The following HSF1 variants were observed in gnomAD, a reference collection of about 807,000 sequenced individuals.
The protein encoded by HSF1 is heat shock transcription factor 1.
HSF1 carries 32 observed loss-of-function variants against 51.7 expected under a neutral mutation model. The ratio of observed to expected loss-of-function variants is 0.62; its 90% CI spans 0.47 to 0.83. HSF1 has a LOEUF of 0.83. Ranked by LOEUF, HSF1 falls within the 40% of genes least tolerant of loss-of-function variation. The probability of loss-of-function intolerance (pLI) is 0.00; values close to 1 mark genes in which losing one functional copy is unlikely to be tolerated. For missense variants in HSF1, 727 were observed against 717.0 expected (o/e 1.01, Z -0.16); for synonymous variants, 396 against 309.7 (o/e 1.28, Z -2.92).
At chr8:144,301,589 G>A (rs565183811) in intron 1 of HSF1, among the ~76,000 whole-genome samples, 55 of 152,286 alleles carry the variant, frequency 3.6e-4, no homozygotes, top group African/African-American at 7.9e-4. Flanking sequence ...AGAAGAGGCC[G>A]GGCGCGGTGG....
At chr8:144,301,764 C>G (rs1423652913) in intron 1 of HSF1, among the ~76,000 whole-genome samples, 1 of 151,780 alleles carries the variant, frequency 6.6e-6, no homozygotes, top group Non-Finnish European at 1.5e-5. Context: ...ACTCGGGAGG[C>G]TGAGGCAGGA....
At chr8:144,299,832 C>G (rs992048485) in intron 1 of HSF1, among the ~76,000 whole-genome samples, 9 of 152,098 alleles carry the variant, frequency 5.9e-5, no homozygotes, top group Non-Finnish European at 1.2e-4. Flanking sequence ...TTGCTTGGAC[C>G]CGGGAGGTGG....
chr8:144,292,803 A>G (rs1167606540), intron 1 of HSF1, among the ~76,000 whole-genome samples: 2 of 152,192 alleles, frequency 1.3e-5, no homozygotes, highest in African/African-American at 4.8e-5. Flanking sequence ...TCTACTAAAA[A>G]TACAAAAAAT....
intron 1 of HSF1, among the ~76,000 whole-genome samples, chr8:144,293,077 C>T (rs1464789294): frequency 6.6e-6 from 1 of 152,242 alleles, no homozygotes; most frequent in East Asian, 1.9e-4. Flanking sequence ...GTTCTTCAGG[C>T]TCTGCTGAGT....
chr8:144,307,248 G>T (rs916772728), intron 1 of HSF1, among the ~76,000 whole-genome samples: 6 of 152,192 alleles, frequency 3.9e-5, no homozygotes, highest in Non-Finnish European at 5.9e-5. Flanking sequence ...TTTTTATTCA[G>T]GAGAGCTTCA....
chr8:144,313,468 G>A lies in HSF1; in HGVS notation c.1143-43G>A, dbSNP rs1554845456. 4 of 1,315,084 alleles carry A rather than the reference G, an allele frequency of 3.0e-6. No individual in the cohort carries two copies. The South Asian group carries it at 3.6e-5, about 12-fold the overall frequency. 81.5% of individuals were successfully genotyped at this position (1,315,084 alleles called of 1,614,324 possible). A position where few individuals can be genotyped will look rare whatever the true frequency, so the allele number is the denominator to read the frequency against. On this transcript the variant is annotated intron_variant, in intron 9 of 12. Transcript: ENST00000528838. ...TCCCACAGGAGGGCATTGGGGTGTG[G>A]GGCCTGGGGCACTGGTTCAGGTACC...
chr8:144,310,986 G>A, intron 4 of HSF1, 188 bp from the exon 5 acceptor site: 1 of 612,486 alleles, frequency 1.6e-6, no homozygotes, highest in South Asian at 2.0e-5. Context: ...GAGGGGCAGT[G>A]GGACCAGCAA....
At position 144,313,532 on chromosome 8, in the gene HSF1, G is replaced by C. The variant is rs1400264341; in HGVS notation, c.1164G>C (p.Leu388Phe). 3.1e-6 allele frequency: 5 copies of C among 1,611,574 alleles called. No individual in the cohort carries two copies. The highest frequency in any genetic ancestry group is 3.3e-5 in the Admixed American group (2 of 59,972). ...CCAGGAATGAGCTCAGTGACCACTT[G>C]GATGCTATGGACTCCAACCTGGATA... ...CLDKNELSDH[L>F]DAMDSNLDNL... The change falls in exon 10 of 13, where the codon TTG becomes TTC. Residue 388 changes from leucine (L) to phenylalanine (F), a missense_variant. By Grantham distance (22) the Leu-to-Phe change is conservative. Coordinates refer to ENST00000528838, the MANE Select transcript of HSF1 (RefSeq NM_005526.4).
At chr8:144,313,345 A>G in intron 9 of HSF1, 166 bp from the exon 10 acceptor site, 2 of 584,390 alleles carry the variant, frequency 3.4e-6, no homozygotes, top group South Asian at 4.0e-5. Flanking sequence ...CAGAGCCTCC[A>G]CTGCCTTCCA....
rs1816678619 is a variant in HSF1 at position 144,311,739 on chromosome 8, C to G, written c.763C>G (p.Pro255Ala). 1 of 1,612,956 alleles carries G rather than the reference C, an allele frequency of 6.2e-7. No homozygotes were observed. Among genetic ancestry groups the G allele is most frequent in the Non-Finnish European group, 8.5e-7 (1 of 1,179,750 alleles). The stretch of plus-strand genomic sequence containing the variant: ...CTACAGCAGCTCCAGCCTCTACGCC[C>G]CTGATGCTGTGGCCAGCTCTGGACC... ...PAYSSSSLYA[P>A]DAVASSGPII... is the part of the protein sequence containing the mutation. Residue 255 changes from proline to alanine, a missense_variant, in exon 8 of 13, where the codon CCT (proline) becomes GCT (alanine). Coordinates refer to ENST00000528838, the MANE Select transcript of HSF1 (RefSeq NM_005526.4).
At chr8:144,312,891 G>A (rs1237072970) in intron 9 of HSF1, 13 of 613,630 alleles carry the variant, frequency 2.1e-5, no homozygotes, top group Non-Finnish European at 3.8e-5. Flanking sequence ...CGGGCCTGTG[G>A]TCATTGCCTG....
At chr8:144,298,861 G>T (rs1228535233) in intron 1 of HSF1, among the ~76,000 whole-genome samples, 2 of 152,240 alleles carry the variant, frequency 1.3e-5, no homozygotes, top group Non-Finnish European at 2.9e-5. Flanking sequence ...GGTGCACACA[G>T]TGAAACCTCG....
At chr8:144,309,176 C>G (rs1816429408) in intron 2 of HSF1, 162 bp downstream of exon 2, 1 of 683,678 alleles carries the variant, frequency 1.5e-6, no homozygotes, top group Admixed American at 2.5e-5. Context: ...GCCGCCTCTT[C>G]CATGGGGGAG....
rs782793350 is a variant in HSF1 at position 144,291,841 on chromosome 8, C to T, written c.84C>T (p.Asp28=). The change falls in exon 1 of 13, where the codon GAC becomes GAT. Residue 28 remains aspartate, a synonymous_variant. Transcript: ENST00000528838. The surrounding 1 kb of genome is among the most constrained non-coding windows in gnomAD (Gnocchi z 4.1). ...FLTKLWTLVS[D]PDTDALICWS... ...CCAAGCTGTGGACCCTCGTGAGCGA[C>T]CCGGACACCGACGCGCTCATCTGCT... 8 of 1,550,910 alleles carry T rather than the reference C, an allele frequency of 5.2e-6. No homozygotes were observed. In the South Asian group the frequency reaches 9.4e-5, roughly 18 times the overall value.
rs782000489 is a variant in HSF1 at position 144,313,980 on chromosome 8, C to G, written c.1315-5C>G. 1 of 1,611,292 alleles carries G rather than the reference C, an allele frequency of 6.2e-7. No individual in the cohort carries two copies. Among genetic ancestry groups the G allele is most frequent in the Admixed American group, 1.7e-5 (1 of 59,900 alleles). ...AGTGCTCACAATACCGTCTCCACCC[C>G]ACAGATCCAAGAGCTCCTGTCTCCC... On this transcript the variant is annotated splice_region_variant and splice_polypyrimidine_tract_variant and intron_variant, in intron 11 of 12. Coordinates refer to ENST00000528838, the MANE Select transcript of HSF1 (RefSeq NM_005526.4).
intron 1 of HSF1, among the ~76,000 whole-genome samples, chr8:144,307,921 G>A (rs782101465): frequency 9.2e-5 from 14 of 152,178 alleles, no homozygotes; most frequent in Non-Finnish European, 1.3e-4. Flanking sequence ...GGCGCTTTTC[G>A]CCGTCTCTCT....
Position 144,291,851 on chromosome 8 carries a change from G to T in HSF1, c.94G>T (p.Asp32Tyr). The T allele has an allele frequency of 6.5e-7, 1 of 1,533,998 alleles. No individual in the cohort carries two copies. ...GACCCTCGTGAGCGACCCGGACACC[G>T]ACGCGCTCATCTGCTGGAGCCCGGT... Reference protein sequence around the residue: ...LWTLVSDPDTDALICWSPSGN... With the variant: ...LWTLVSDPDTYALICWSPSGN... Residue 32 changes from aspartate to tyrosine, a missense_variant, in exon 1 of 13, where the codon GAC (aspartate) becomes TAC (tyrosine). Asp to Tyr is a radical substitution (Grantham distance 160). Transcript: ENST00000528838. This position sits in a 1 kb window ranked among gnomAD's most constrained non-coding sequence, Gnocchi z 4.1.
At chr8:144,313,433 G>A in intron 9 of HSF1, 78 bp from the exon 10 acceptor site, 1 of 943,824 alleles carries the variant, frequency 1.1e-6, no homozygotes, top group Non-Finnish European at 1.7e-6. Context: ...ACAGTCAAGG[G>A]GAGCCCTTCT....
intron 1 of HSF1, among the ~76,000 whole-genome samples, chr8:144,299,140 C>T (rs1318785768): frequency 2.6e-5 from 4 of 152,204 alleles, no homozygotes; most frequent in Non-Finnish European, 4.4e-5. Flanking sequence ...GGAGTACACA[C>T]AGCACTCTTG....
Sources: allele counts gnomAD v4.1 joint callset (sites outside exome capture counted in the v4.1 genomes callset), GRCh38; gene constraint gnomAD v4.1.1; non-coding constraint Gnocchi (gnomAD v3.1); transcripts MANE v1.5; gene names NCBI Gene and HGNC (gene_info 2026-07-23, HGNC 2026-07-21).